KLRG1: variants seen among roughly 807,000 people sequenced by gnomAD.
KLRG1 encodes killer cell lectin-like receptor subfamily G member 1.
KLRG1 carries 16 observed loss-of-function variants against 21.8 expected under a neutral mutation model. That is an observed-to-expected ratio of 0.73 (90% CI 0.50 to 1.11). KLRG1 has a LOEUF of 1.11. Among genes scored for constraint, KLRG1 ranks in the 50% most tolerant of loss-of-function variants. KLRG1 has a pLI of 0.00. For synonymous variants in KLRG1, 69 were observed against 75.9 expected, an observed-to-expected ratio of 0.91 and a Z score of 0.47; for missense variants, 173 against 218.3, an observed-to-expected ratio of 0.79 and a Z score of 1.31.
the KLRG1 span, chr12:9,027,922 A>G: frequency 1.1e-6 from 1 of 878,926 alleles, no homozygotes; most frequent in Non-Finnish European, 1.9e-6. Flanking sequence ...TGGCTAGATG[A>G]AGCGCTAGCT....
chr12:9,058,700 G>A, the KLRG1 span: 1 of 152,598 alleles, frequency 6.6e-6, no homozygotes, highest in Non-Finnish European at 1.5e-5. Flanking sequence ...TTTTCCAAAT[G>A]GCCTTCCTAA....
chr12:8,976,459 A>G (rs1430276337), intron 1 of KLRG1, among the ~76,000 whole-genome samples: 1 of 152,122 alleles, frequency 6.6e-6, no homozygotes, highest in Non-Finnish European at 1.5e-5. Flanking sequence ...ATTTCTGTAT[A>G]TATCTGTTGG....
the KLRG1 span, among the ~76,000 whole-genome samples, chr12:9,096,263 G>A: frequency 6.6e-6 from 1 of 152,076 alleles, no homozygotes; most frequent in Non-Finnish European, 1.5e-5. Flanking sequence ...GTACTACTTC[G>A]TTACACAGTT....
the KLRG1 span, chr12:9,148,894 T>C: frequency 7.7e-7 from 1 of 1,291,148 alleles, no homozygotes; most frequent in Non-Finnish European, 1.1e-6. Flanking sequence ...GTCTATTTTA[T>C]AGAGACAAAT....
In KLRG1 at chr12:9,008,644, C is replaced by T. The variant is rs773878723; in HGVS notation, c.358-331C>T. Among the ~76,000 whole-genome samples, 5 of 152,224 alleles carry T rather than the reference C, an allele frequency of 3.3e-5. No homozygotes were observed. The East Asian group carries it at 9.7e-4, about 29-fold the overall frequency. ...GCACATGGCTGCCTTTTTGTTGTAT[C>T]CTCACTTGGCAAAGAGAGTGCTTTG... is the stretch of plus-strand genomic sequence containing the variant. On this transcript the variant is annotated intron_variant, in intron 3 of 4. Coordinates refer to ENST00000356986, the MANE Select transcript of KLRG1 (RefSeq NM_005810.4).
At chr12:9,033,400 A>C in the KLRG1 span, among the ~76,000 whole-genome samples, 1 of 152,080 alleles carries the variant, frequency 6.6e-6, no homozygotes, top group East Asian at 1.9e-4. Flanking sequence ...GGCTACAATC[A>C]TACCACTGCA....
chr12:9,160,268 A>G, the KLRG1 span: 1 of 1,525,616 alleles, frequency 6.6e-7, no homozygotes, highest in Admixed American at 2.0e-5. Flanking sequence ...TAATTGGGAA[A>G]AGTTTCATTA....
chr12:9,033,041 G>T, the KLRG1 span, among the ~76,000 whole-genome samples: 1 of 152,116 alleles, frequency 6.6e-6, no homozygotes. Context: ...CTGCTATGCC[G>T]TAGTCTCAGT....
chr12:9,109,845 G>C, the KLRG1 span: 2 of 1,568,658 alleles, frequency 1.3e-6, no homozygotes, highest in Non-Finnish European at 1.7e-6. Flanking sequence ...AATAATGCTT[G>C]ATGACTTTTC....
At chr12:8,982,431 C>T (rs1946769316) in intron 1 of KLRG1, among the ~76,000 whole-genome samples, 1 of 152,118 alleles carries the variant, frequency 6.6e-6, no homozygotes, top group Non-Finnish European at 1.5e-5. Context: ...GGACTTCTGA[C>T]CTACAAAACT....
At chr12:9,153,236 T>A in the KLRG1 span, 1 of 1,614,172 alleles carries the variant, frequency 6.2e-7, no homozygotes, top group Non-Finnish European at 8.5e-7. Context: ...CTTGGAAATT[T>A]GTAGAAAAGG....
At chr12:9,148,909 C>G in the KLRG1 span, 3 of 1,407,466 alleles carry the variant, frequency 2.1e-6, no homozygotes, top group Non-Finnish European at 3.0e-6. Flanking sequence ...ACAAATAACT[C>G]CATTCCTTCT....
At chr12:9,024,548 T>C in the KLRG1 span, among the ~76,000 whole-genome samples, 1 of 151,856 alleles carries the variant, frequency 6.6e-6, no homozygotes. Flanking sequence ...ACATTTTGCG[T>C]ATGTGTGAAT....
At chr12:9,171,743 A>G in the KLRG1 span, among the ~76,000 whole-genome samples, 1 of 152,200 alleles carries the variant, frequency 6.6e-6, no homozygotes, top group Non-Finnish European at 1.5e-5. Flanking sequence ...AGAATCTCAG[A>G]GCCTGAAGAT....
chr12:9,157,290 G>A, the KLRG1 span: 6,722 of 1,614,060 alleles, frequency 4.2e-3, 26 homozygotes, highest in Non-Finnish European at 5.1e-3. Flanking sequence ...GGCTCCCATG[G>A]GTCCCCTCCT....
At chr12:9,069,487 T>C in the KLRG1 span, among the ~76,000 whole-genome samples, 1 of 152,270 alleles carries the variant, frequency 6.6e-6, no homozygotes, top group East Asian at 1.9e-4. Flanking sequence ...GTCAACATAA[T>C]AAACACATTT....
At chr12:9,208,338 G>T in the KLRG1 span, 153 of 1,611,670 alleles carry the variant, frequency 9.5e-5, no homozygotes, top group Non-Finnish European at 1.2e-4. Flanking sequence ...CTGTCTTTCC[G>T]CATTGTGAGG....
the KLRG1 span, chr12:9,109,239 C>G: frequency 5.2e-6 from 6 of 1,144,964 alleles, no homozygotes; most frequent in Non-Finnish European, 7.7e-6. Context: ...CCACTGCTCC[C>G]GGAGAGAGTA....
At chr12:9,163,219 G>A in the KLRG1 span, among the ~76,000 whole-genome samples, 1 of 151,196 alleles carries the variant, frequency 6.6e-6, no homozygotes, top group African/African-American at 2.4e-5. Context: ...TTGGGAGGCC[G>A]AGAAGGGAGG....
Sources: allele counts gnomAD v4.1 joint callset (sites outside exome capture counted in the v4.1 genomes callset), GRCh38; gene constraint gnomAD v4.1.1; transcripts MANE v1.5; gene names NCBI Gene and HGNC (gene_info 2026-07-23, HGNC 2026-07-21).